Variants in SLC25A21 observed in about 807,000 individuals in gnomAD.
The protein encoded by SLC25A21 is solute carrier family 25 member 21, also known as mitochondrial 2-oxodicarboxylate carrier.
SLC25A21 carries 47 observed loss-of-function variants against 43.8 expected under a neutral mutation model. The observed-to-expected ratio is 1.07, with a 90% CI of 0.85 to 1.37. SLC25A21 has a LOEUF of 1.37. Ranked by LOEUF, SLC25A21 falls within the 40% of genes most tolerant of loss-of-function variation. SLC25A21 has a pLI of 0.00. For missense variants in SLC25A21, 352 were observed against 350.2 expected, an observed-to-expected ratio of 1.00 and a Z score of -0.04; for synonymous variants, 131 against 121.3, an observed-to-expected ratio of 1.08 and a Z score of -0.52.
chr14:36,833,544 A>G (rs990220263), intron 2 of SLC25A21, among the ~76,000 whole-genome samples: 5 of 152,236 alleles, frequency 3.3e-5, no homozygotes, highest in Admixed American at 3.3e-4. Flanking sequence ...GTACCTAAAT[A>G]ACAGGCCAAA....
intron 1 of SLC25A21, among the ~76,000 whole-genome samples, chr14:36,965,732 G>C (rs1959597677): frequency 1.3e-5 from 2 of 152,098 alleles, no homozygotes. Flanking sequence ...CATCCTAATA[G>C]ATTCTCATTA....
chr14:37,172,039 G>A (rs895965455), intron 1 of SLC25A21: 6 of 542,650 alleles, frequency 1.1e-5, no homozygotes, highest in South Asian at 1.1e-4. Flanking sequence ...GGACAATGCC[G>A]GGAACCCGAG....
intron 7 of SLC25A21, among the ~76,000 whole-genome samples, chr14:36,705,207 A>T (rs74332434): frequency 0.16 from 23,987 of 147,208 alleles, 2,634 homozygotes; most frequent in East Asian, 0.3. Context: ...TGCCTGGTTA[A>T]TTTTTTTTTT....
rs866268697 is a variant in SLC25A21, at chr14:36,821,534, T to C, written c.120-7533A>G. On this transcript the variant is annotated intron_variant, in intron 2 of 9. Coordinates refer to ENST00000331299, the MANE Select transcript of SLC25A21 (RefSeq NM_030631.4). Reference sequence around the variant, plus strand: ...GATTAAATATAATAATAATCTACACTGGCTGGGTGTGGTGGCTCGCACCTG... The same window carrying C: ...GATTAAATATAATAATAATCTACACCGGCTGGGTGTGGTGGCTCGCACCTG... Among the ~76,000 whole-genome samples the C allele has an allele frequency of 3.3e-5, 5 of 152,262 alleles. No homozygotes were observed. In the East Asian group the frequency reaches 7.7e-4, roughly 24 times the overall value.
At chr14:36,969,569 G>C (rs1402629822) in intron 1 of SLC25A21, among the ~76,000 whole-genome samples, 2 of 151,862 alleles carry the variant, frequency 1.3e-5, no homozygotes, top group African/African-American at 2.4e-5. Flanking sequence ...GAGCACTATA[G>C]CTTCCAACTC....
intron 1 of SLC25A21, among the ~76,000 whole-genome samples, chr14:36,912,482 G>A (rs1891714209): frequency 6.6e-6 from 1 of 152,132 alleles, no homozygotes; most frequent in African/African-American, 2.4e-5. Context: ...ACAAATCTGA[G>A]TGGATTACAA....
rs1233082836 is a variant in SLC25A21, at chr14:36,733,309, T to C, written c.270+1198A>G. 3.1e-4 allele frequency among the ~76,000 whole-genome samples: 47 copies of C among 152,244 alleles called. 1 individual carries two copies. The highest frequency in any genetic ancestry group is 3.1e-3 in the Admixed American group (47 of 15,286). On this transcript the variant is annotated intron_variant, in intron 4 of 9. Coordinates refer to ENST00000331299, the MANE Select transcript of SLC25A21 (RefSeq NM_030631.4). ...CATTTCATAATTCAATTCAGCTCTT[T>C]TGTCTACTTTGGTGAACTTATTCCA... is the stretch of plus-strand genomic sequence containing the variant.
chr14:37,166,630 C>T (rs1009400932), intron 1 of SLC25A21, among the ~76,000 whole-genome samples: 5 of 152,162 alleles, frequency 3.3e-5, no homozygotes, highest in African/African-American at 7.2e-5. Flanking sequence ...TAAATATTAG[C>T]TTATTTTATT....
intron 1 of SLC25A21, among the ~76,000 whole-genome samples, chr14:37,116,874 T>G (rs972531686): frequency 2.0e-5 from 3 of 152,160 alleles, no homozygotes; most frequent in African/African-American, 7.2e-5. Flanking sequence ...CATAATCTTA[T>G]GAGTTAAAAT....
chr14:37,091,554 T>C (rs1171271614), intron 1 of SLC25A21, among the ~76,000 whole-genome samples: 1 of 152,086 alleles, frequency 6.6e-6, no homozygotes, highest in African/African-American at 2.4e-5. Context: ...AAAAAGGACC[T>C]TCTTACAGTA....
At chr14:36,749,298 A>G (rs941801898) in intron 3 of SLC25A21, among the ~76,000 whole-genome samples, 7 of 152,176 alleles carry the variant, frequency 4.6e-5, no homozygotes, top group African/African-American at 4.8e-5. Context: ...TATTTTTATC[A>G]TCAGTGAATA....
chr14:37,154,125 A>G (rs945874595), intron 1 of SLC25A21, among the ~76,000 whole-genome samples: 3 of 152,106 alleles, frequency 2.0e-5, no homozygotes, highest in African/African-American at 7.2e-5. Flanking sequence ...CCTGGGGCAC[A>G]AAGATAGGGA....
chr14:36,839,183 C>T (rs1209280502), intron 2 of SLC25A21, among the ~76,000 whole-genome samples: 1 of 152,170 alleles, frequency 6.6e-6, no homozygotes, highest in East Asian at 1.9e-4. Flanking sequence ...ATGACAGACT[C>T]TCATTCAAAT....
intron 1 of SLC25A21, among the ~76,000 whole-genome samples, chr14:37,127,001 T>C (rs1186309268): frequency 6.6e-6 from 1 of 152,192 alleles, no homozygotes; most frequent in Non-Finnish European, 1.5e-5. Flanking sequence ...GAAATCTATG[T>C]TTCTACAACA....
intron 1 of SLC25A21, among the ~76,000 whole-genome samples, chr14:37,095,062 A>C (rs1426796490): frequency 6.6e-6 from 1 of 152,240 alleles, no homozygotes; most frequent in African/African-American, 2.4e-5. Context: ...AATAATGTAC[A>C]TGATAAATAA....
chr14:36,717,609 A>G (rs1243437375), intron 6 of SLC25A21, among the ~76,000 whole-genome samples: 2 of 152,228 alleles, frequency 1.3e-5, no homozygotes, highest in East Asian at 3.8e-4. Flanking sequence ...GAAAGGTGAC[A>G]GTGCTGTGGC....
intron 1 of SLC25A21, among the ~76,000 whole-genome samples, chr14:36,885,118 C>A (rs1890876462): frequency 6.6e-6 from 1 of 152,152 alleles, no homozygotes; most frequent in Admixed American, 6.6e-5. Flanking sequence ...AGTCTTTAAT[C>A]CACTTTGAGT....
At chr14:37,037,962 C>A (rs1375532679) in intron 1 of SLC25A21, among the ~76,000 whole-genome samples, 1 of 152,176 alleles carries the variant, frequency 6.6e-6, no homozygotes, top group Non-Finnish European at 1.5e-5. Flanking sequence ...TCCTCTGCTT[C>A]TGTTCTTTTG....
chr14:36,978,691 T>C (rs1361719841), intron 1 of SLC25A21, among the ~76,000 whole-genome samples: 1 of 152,192 alleles, frequency 6.6e-6, no homozygotes, highest in Non-Finnish European at 1.5e-5. Context: ...TCTAAAATAC[T>C]ATAATTACTT....
Sources: gnomAD v4.1 joint callset for allele counts (sites outside exome capture counted in the v4.1 genomes callset) on GRCh38, gnomAD v4.1.1 for gene constraint, MANE v1.5 for transcripts, NCBI Gene and HGNC (gene_info 2026-07-23, HGNC 2026-07-21) for gene names.